Variants in VPS41 observed in about 807,000 individuals in gnomAD.
The protein encoded by VPS41 is VPS41 subunit of HOPS complex, also known as vacuolar protein sorting-associated protein 41 homolog.
A neutral mutation model predicts 130.9 loss-of-function variants in VPS41; 85 were observed. The ratio of observed to expected loss-of-function variants is 0.65; its 90% confidence interval spans 0.55 to 0.78. The LOEUF (loss-of-function observed/expected upper bound fraction) is 0.78. Among genes scored for constraint, VPS41 ranks in the 30% least tolerant of loss-of-function variants. The pLI, the probability that VPS41 is intolerant of heterozygous loss-of-function variation, is 0.00. For synonymous variants in VPS41, 335 were observed against 332.9 expected (o/e 1.01, Z -0.07); for missense variants, 874 against 1,018.7 (o/e 0.86, Z 1.93).
At chr7:38,847,665 T>C (rs1785756795) in intron 4 of VPS41, among the ~76,000 whole-genome samples, 1 of 152,204 alleles carries the variant, frequency 6.6e-6, no homozygotes, top group South Asian at 2.1e-4. Context: ...CCATGAAGGC[T>C]GCAGAGCTTT....
intron 4 of VPS41, among the ~76,000 whole-genome samples, chr7:38,853,954 G>C (rs1488037335): frequency 6.6e-6 from 1 of 152,110 alleles, no homozygotes; most frequent in Non-Finnish European, 1.5e-5. Context: ...TAGCCACTTT[G>C]GTGCGTAGAA....
intron 7 of VPS41, among the ~76,000 whole-genome samples, chr7:38,816,284 A>G (rs1785047541): frequency 6.6e-6 from 1 of 152,146 alleles, no homozygotes; most frequent in Non-Finnish European, 1.5e-5. Flanking sequence ...TCTAACAGAA[A>G]TCAGAACTGG....
At chr7:38,763,814 T>C (rs1003676260) in intron 16 of VPS41, among the ~76,000 whole-genome samples, 4 of 152,190 alleles carry the variant, frequency 2.6e-5, no homozygotes, top group Admixed American at 6.5e-5. Context: ...GATGAGTTAA[T>C]AGAAATCTAA....
intron 4 of VPS41, chr7:38,831,072 G>A (rs1785377416): frequency 2.6e-6 from 1 of 383,024 alleles, no homozygotes. Flanking sequence ...AAGTCTAAAT[G>A]TTCAACTTCT....
chr7:38,865,069 A>C (rs1452125140), intron 3 of VPS41, among the ~76,000 whole-genome samples: 1 of 152,204 alleles, frequency 6.6e-6, no homozygotes, highest in Non-Finnish European at 1.5e-5. Context: ...TCAACTGTCT[A>C]ATATCATCTA....
chr7:38,779,343 A>G lies in VPS41; in HGVS notation c.785-2567T>C, dbSNP rs900878961. 7.2e-5 allele frequency among the ~76,000 whole-genome samples: 11 copies of G among 152,220 alleles called. No homozygotes were observed. In the East Asian group the frequency reaches 1.2e-3, roughly 16 times the overall value. Reference sequence around the variant, plus strand: ...ACTAAATTATGTCTTTCTTTTTGTTAAAGTAATTCCCTTATACCAACAAAA... The same window carrying G: ...ACTAAATTATGTCTTTCTTTTTGTTGAAGTAATTCCCTTATACCAACAAAA... On this transcript the variant is annotated intron_variant, in intron 10 of 28. Coordinates refer to ENST00000310301, the MANE Select transcript of VPS41 (RefSeq NM_014396.4).
chr7:38,766,765 T>C (rs572544991), intron 15 of VPS41, among the ~76,000 whole-genome samples: 27 of 152,306 alleles, frequency 1.8e-4, no homozygotes, highest in Admixed American at 4.6e-4. Flanking sequence ...TCCCCCTTCA[T>C]TGGGCTCTTG....
At chr7:38,894,725 A>T (rs1431473254) in intron 2 of VPS41, among the ~76,000 whole-genome samples, 1 of 152,124 alleles carries the variant, frequency 6.6e-6, no homozygotes, top group Non-Finnish European at 1.5e-5. Flanking sequence ...TCATACAAAA[A>T]GCACAAGGTA....
At chr7:38,849,063 G>T (rs1584426257) in intron 4 of VPS41, among the ~76,000 whole-genome samples, 1 of 151,954 alleles carries the variant, frequency 6.6e-6, no homozygotes, top group Non-Finnish European at 1.5e-5. Flanking sequence ...TTTTCTTGAG[G>T]AAAAGTGAAG....
At chr7:38,864,027 A>C (rs78702649) in intron 3 of VPS41, among the ~76,000 whole-genome samples, 3,391 of 152,304 alleles carry the variant, frequency 0.022, 144 homozygotes, top group African/African-American at 0.075. Flanking sequence ...AAATAGAAAA[A>C]CACCACATAC....
At chr7:38,811,162 T>C (rs1010015466) in intron 7 of VPS41, among the ~76,000 whole-genome samples, 14 of 152,076 alleles carry the variant, frequency 9.2e-5, no homozygotes, top group South Asian at 2.1e-4. Flanking sequence ...GAAAAATACA[T>C]CCTAAAATAC....
chr7:38,862,628 A>G lies in VPS41; in HGVS notation c.169-6T>C, dbSNP rs748041831. The G allele has an allele frequency of 1.3e-6, 2 of 1,582,860 alleles. No individual in the cohort carries two copies. The highest frequency in any genetic ancestry group is 1.7e-6 in the Non-Finnish European group (2 of 1,157,286). ...TGTGTGCCCAATGCCAAAAACTGTA[A>G]GAAGAACAAAGAGGCCAGTTAATTA... On this transcript the variant is annotated splice_polypyrimidine_tract_variant and splice_region_variant and intron_variant, in intron 3 of 28. Coordinates refer to ENST00000310301, the MANE Select transcript of VPS41 (RefSeq NM_014396.4).
intron 7 of VPS41, among the ~76,000 whole-genome samples, chr7:38,809,763 T>C (rs929645084): frequency 6.6e-6 from 1 of 152,210 alleles, no homozygotes; most frequent in Non-Finnish European, 1.5e-5. Context: ...CAGCTGACTA[T>C]CTGATTTCTA....
chr7:38,830,326 A>C lies in VPS41; in HGVS notation c.249T>G (p.Ser83Arg). The stretch of plus-strand genomic sequence containing the variant: ...AGCTAATCTGATTTATCTTCACAGG[A>C]CTCTAAAAAGAAAAAGACAAAAAGA... The part of the protein sequence containing the change: ...QGNITQKFDV[S>R]PVKINQISLD... Residue 83 changes from serine to arginine, a missense_variant and splice_region_variant, in exon 5 of 29, where the codon AGT becomes AGG. Physicochemically the swap from Ser to Arg is moderately radical, Grantham distance 110. Coordinates refer to ENST00000310301, the MANE Select transcript of VPS41 (RefSeq NM_014396.4). 1 of 1,604,258 alleles carries C rather than the reference A, an allele frequency of 6.2e-7. No homozygotes were observed.
intron 7 of VPS41, among the ~76,000 whole-genome samples, chr7:38,815,248 A>AC (rs1785021966): frequency 6.6e-6 from 1 of 151,944 alleles, no homozygotes; most frequent in Admixed American, 6.6e-5. Flanking sequence ...ACATGGTAAA[A>AC]CCCCATCTCT....
At chr7:38,804,140 A>G (rs1456705117) in intron 7 of VPS41, among the ~76,000 whole-genome samples, 1 of 151,956 alleles carries the variant, frequency 6.6e-6, no homozygotes, top group Admixed American at 6.6e-5. Flanking sequence ...CTTACAAACA[A>G]TATTTTAGTA....
intron 10 of VPS41, among the ~76,000 whole-genome samples, chr7:38,782,739 T>TA (rs1169013216): frequency 6.6e-6 from 1 of 152,194 alleles, no homozygotes; most frequent in African/African-American, 2.4e-5. Context: ...ATGAATGCCA[T>TA]ATGATTGGTA....
intron 10 of VPS41, 127 bp downstream of exon 10, chr7:38,789,674 G>A (rs960214513): frequency 2.3e-5 from 19 of 815,432 alleles, no homozygotes; most frequent in Non-Finnish European, 3.7e-5. Context: ...AGTGGAAGAA[G>A]ATAAACCAGT....
rs372367940 is a variant in VPS41, at chr7:38,836,852, A to T, written c.247-6524T>A. 2.6e-5 allele frequency among the ~76,000 whole-genome samples: 4 copies of T among 152,340 alleles called. 1 individual carries two copies. Among genetic ancestry groups the T allele is most frequent in the East Asian group, 1.9e-4 (1 of 5,194 alleles). ...ATACTCTACTCATCTTACACTGCTG[A>T]TAATTCAAATTTGGAAAATGTTTCT... is the stretch of plus-strand genomic sequence containing the variant. On this transcript the variant is annotated intron_variant, in intron 4 of 28. Coordinates refer to ENST00000310301, the MANE Select transcript of VPS41 (RefSeq NM_014396.4).
Sources: gnomAD v4.1 joint callset for allele counts (sites outside exome capture counted in the v4.1 genomes callset) on GRCh38, gnomAD v4.1.1 for gene constraint, MANE v1.5 for transcripts, NCBI Gene and HGNC (gene_info 2026-07-23, HGNC 2026-07-21) for gene names.